The following CENPW variants were observed in gnomAD, a reference collection of about 807,000 sequenced individuals.
The protein encoded by CENPW is cancer-up-regulated gene 2 protein.
Under a neutral mutation model 11.1 loss-of-function variants are expected in CENPW, and 3 were observed. The observed-to-expected ratio is 0.27, with a 90% CI of 0.12 to 0.70. CENPW has a LOEUF of 0.70. Ranked by LOEUF, CENPW falls within the 30% of genes least tolerant of loss-of-function variation. The pLI is 0.77. For missense variants in CENPW, 100 were observed against 105.6 expected (o/e 0.95, Z 0.23); for synonymous variants, 38 against 42.0 (o/e 0.91, Z 0.37).
chr6:126,390,174 T>C, the CENPW span, among the ~76,000 whole-genome samples: 106 of 152,034 alleles, frequency 7.0e-4, no homozygotes, highest in Admixed American at 2.4e-3. Flanking sequence ...TTTTTTTCCA[T>C]GTCTACTGCA....
chr6:126,431,275 A>G, the CENPW span, among the ~76,000 whole-genome samples: 6 of 152,204 alleles, frequency 3.9e-5, no homozygotes, highest in Non-Finnish European at 7.3e-5. Context: ...CTCTGACCCC[A>G]GTGCGTTTTT....
At chr6:126,473,453 C>T in the CENPW span, among the ~76,000 whole-genome samples, 1 of 151,790 alleles carries the variant, frequency 6.6e-6, no homozygotes, top group African/African-American at 2.4e-5. Flanking sequence ...CTTTATAGGC[C>T]GGGCACAGTG....
At chr6:126,363,267 C>A in the CENPW span, among the ~76,000 whole-genome samples, 1 of 152,164 alleles carries the variant, frequency 6.6e-6, no homozygotes, top group Non-Finnish European at 1.5e-5. Flanking sequence ...ACTGGCAGCC[C>A]AGGTATGTAT....
chr6:126,446,450 C>T, the CENPW span, among the ~76,000 whole-genome samples: 4 of 149,024 alleles, frequency 2.7e-5, no homozygotes, highest in Admixed American at 2.7e-4. Context: ...ATTACTGAGA[C>T]AGACTTTCTC....
the CENPW span, among the ~76,000 whole-genome samples, chr6:126,398,435 G>A: frequency 6.6e-6 from 1 of 152,004 alleles, no homozygotes; most frequent in African/African-American, 2.4e-5. Context: ...TTCCAGGACC[G>A]ACCTCCCAAC....
chr6:126,424,215 C>T, the CENPW span, among the ~76,000 whole-genome samples: 4 of 151,908 alleles, frequency 2.6e-5, no homozygotes, highest in South Asian at 2.1e-4. Flanking sequence ...TCATTTTATT[C>T]GGGTCCTATT....
At chr6:126,348,413 A>T (rs1780449370) in intron 2 of CENPW, 53 bp from the exon 3 acceptor site, 1 of 959,260 alleles carries the variant, frequency 1.0e-6, no homozygotes, top group Admixed American at 1.8e-5. Flanking sequence ...TTAAGGAATG[A>T]TGTTTTATTT....
chr6:126,362,355 G>C, the CENPW span, among the ~76,000 whole-genome samples: 6 of 152,114 alleles, frequency 3.9e-5, no homozygotes, highest in Non-Finnish European at 1.5e-5. Flanking sequence ...GGGGGTGTGG[G>C]GTTCCCTGTA....
the CENPW span, among the ~76,000 whole-genome samples, chr6:126,370,924 T>TTG: frequency 4.5e-4 from 68 of 151,226 alleles, no homozygotes; most frequent in East Asian, 1.6e-3. Flanking sequence ...GGCTAATTTT[T>TTG]TGTGTGTGTG....
chr6:126,393,770 G>GATATATATTTATATATACATTATATAGGC, the CENPW span, among the ~76,000 whole-genome samples: 6 of 148,608 alleles, frequency 4.0e-5, no homozygotes, highest in South Asian at 1.1e-3. Context: ...ATTATATGTG[G>GATATATATTTATATATACATTATATAGGC]ATATATATTT....
chr6:126,471,536 T>C, the CENPW span, among the ~76,000 whole-genome samples: 1 of 152,122 alleles, frequency 6.6e-6, no homozygotes, highest in Admixed American at 6.5e-5. Flanking sequence ...CTATTTTAAA[T>C]GGCCAAAAAT....
chr6:126,344,617 G>C (rs1013937348), intron 1 of CENPW, among the ~76,000 whole-genome samples: 1 of 152,092 alleles, frequency 6.6e-6, no homozygotes, highest in African/African-American at 2.4e-5. Context: ...ATTGGAATTG[G>C]GATGCTTTAC....
the CENPW span, among the ~76,000 whole-genome samples, chr6:126,397,613 G>T: frequency 6.6e-6 from 1 of 152,148 alleles, no homozygotes; most frequent in Non-Finnish European, 1.5e-5. Flanking sequence ...CATTCCTGTG[G>T]GAGATAATGG....
chr6:126,480,905 C>T, the CENPW span, among the ~76,000 whole-genome samples: 1 of 151,930 alleles, frequency 6.6e-6, no homozygotes, highest in Non-Finnish European at 1.5e-5. Context: ...AGAGGTAAAA[C>T]ATTTATATTC....
the CENPW span, among the ~76,000 whole-genome samples, chr6:126,404,848 A>G: frequency 8.5e-6 from 1 of 118,126 alleles, no homozygotes; most frequent in Non-Finnish European, 1.7e-5. Flanking sequence ...TAGTTAAAGT[A>G]TTTGGGTTTT....
At chr6:126,431,463 A>G in the CENPW span, among the ~76,000 whole-genome samples, 1 of 152,194 alleles carries the variant, frequency 6.6e-6, no homozygotes, top group East Asian at 1.9e-4. Flanking sequence ...GAACCTTATT[A>G]TATAGATGAA....
At chr6:126,431,793 G>A in the CENPW span, among the ~76,000 whole-genome samples, 3 of 151,998 alleles carry the variant, frequency 2.0e-5, no homozygotes, top group East Asian at 1.9e-4. Context: ...CTGGCCAGGC[G>A]CGGTGGCTCA....
chr6:126,346,307 G>A lies in CENPW; in HGVS notation c.229G>A (p.Ala77Thr). ...CRVINKEHVL[A>T]AAKVILKKSR... ...AGTCATTAACAAGGAGCATGTACTGGCCGCAGCAAAGGTAAAATCCAAATT... is the reference window on the plus strand; with the variant it reads ...AGTCATTAACAAGGAGCATGTACTGACCGCAGCAAAGGTAAAATCCAAATT... Residue 77 changes from alanine (A) to threonine (T), a missense_variant, in exon 2 of 3, where the codon GCC becomes ACC. Transcript: ENST00000368328. 1.9e-6 allele frequency: 3 copies of A among 1,587,880 alleles called. No individual in the cohort carries two copies. Among genetic ancestry groups the A allele is most frequent in the Non-Finnish European group, 1.7e-6 (2 of 1,162,006 alleles).
In CENPW at chr6:126,348,633, G is replaced by A. The variant is rs1472683046; in HGVS notation, c.*141G>A. ...ATGTGTGTGTTTGTATTTTTTTTCT[G>A]GCATGAAATATCTCAAGTAAATGCA... On this transcript the variant is annotated 3_prime_UTR_variant, in exon 3 of 3. Transcript: ENST00000368328. The A allele has an allele frequency of 1.8e-6, 1 of 546,124 alleles. No individual in the cohort carries two copies. Among genetic ancestry groups the A allele is most frequent in the African/African-American group, 2.0e-5 (1 of 50,228 alleles). 33.8% of individuals were successfully genotyped at this position (546,124 alleles called of 1,614,324 possible). A position where few individuals can be genotyped will look rare whatever the true frequency, so the allele number is the denominator to read the frequency against.
Sources: allele counts gnomAD v4.1 joint callset (sites outside exome capture counted in the v4.1 genomes callset), GRCh38; gene constraint gnomAD v4.1.1; transcripts MANE v1.5; gene names NCBI Gene and HGNC (gene_info 2026-07-23, HGNC 2026-07-21).